Variants in SCN3A observed in about 807,000 individuals in gnomAD.
SCN3A encodes sodium channel protein type 3 subunit alpha.
SCN3A carries 60 observed loss-of-function variants against 187.6 expected under a neutral mutation model. The observed-to-expected ratio is 0.32, with a 90% confidence interval of 0.26 to 0.40. The LOEUF is 0.40. Ranked by LOEUF, SCN3A falls within the 10% of genes least tolerant of loss-of-function variation. The pLI is 1.00. For synonymous variants in SCN3A, 788 were observed against 829.2 expected, an observed-to-expected ratio of 0.95 and a Z score of 0.85; for missense variants, 1,601 against 2,428.2, an observed-to-expected ratio of 0.66 and a Z score of 7.16.
Position 165,092,028 on chromosome 2 carries a change from T to G in SCN3A, c.4807+226A>C. The G allele has an allele frequency of 1.7e-6, 1 of 586,474 alleles. No individual in the cohort carries two copies. Among genetic ancestry groups the G allele is most frequent in the Non-Finnish European group, 3.0e-6 (1 of 330,618 alleles). The allele number at this position is 586,474 out of a possible 1,614,324, so 36.3% of individuals were successfully genotyped here. On this transcript the variant is annotated intron_variant, in intron 27 of 27. Coordinates refer to ENST00000283254, the MANE Select transcript of SCN3A (RefSeq NM_006922.4). This position sits in a 1 kb window ranked among gnomAD's most constrained non-coding sequence, Gnocchi z 4.2. ...AGTACCTGATAATGTTTATTTCCTG[T>G]CTTCTTCACCTCTTTCCCAAATCTG...
intron 3 of SCN3A, among the ~76,000 whole-genome samples, chr2:165,172,008 G>A (rs1690134512): frequency 6.6e-6 from 1 of 151,962 alleles, no homozygotes; most frequent in African/African-American, 2.4e-5. Flanking sequence ...TTAACTAGGG[G>A]CTATATGCCA....
intron 1 of SCN3A, among the ~76,000 whole-genome samples, chr2:165,188,056 T>C (rs1473066325): frequency 6.6e-6 from 1 of 152,146 alleles, no homozygotes; most frequent in Non-Finnish European, 1.5e-5. Context: ...TTCAATACAT[T>C]TTTAAAATAT....
At chr2:165,101,296 A>G (rs1320000181) in intron 21 of SCN3A, among the ~76,000 whole-genome samples, 1 of 152,256 alleles carries the variant, frequency 6.6e-6, no homozygotes, top group African/African-American at 2.4e-5. Context: ...TATATGAAAG[A>G]TCAAAGAAGA....
intron 10 of SCN3A, among the ~76,000 whole-genome samples, chr2:165,155,240 A>G (rs1377013994): frequency 6.6e-6 from 1 of 152,144 alleles, no homozygotes; most frequent in African/African-American, 2.4e-5. Flanking sequence ...GTACATATAT[A>G]GGTACTGACT....
intron 5 of SCN3A, among the ~76,000 whole-genome samples, chr2:165,167,656 A>G (rs1689854602): frequency 6.6e-6 from 1 of 152,156 alleles, no homozygotes; most frequent in Non-Finnish European, 1.5e-5. Flanking sequence ...ATAACCTCAT[A>G]TGTGACTGAA....
chr2:165,184,079 G>A (rs1691068291), intron 2 of SCN3A, among the ~76,000 whole-genome samples: 1 of 152,082 alleles, frequency 6.6e-6, no homozygotes, highest in African/African-American at 2.4e-5. Flanking sequence ...AATTTTCACT[G>A]AGAGCTAATG....
At chr2:165,146,653 G>T in intron 12 of SCN3A, 86 bp downstream of exon 12, 1 of 1,433,878 alleles carries the variant, frequency 7.0e-7, no homozygotes, top group Non-Finnish European at 9.8e-7. Context: ...AAGTCAGATA[G>T]TACAAAAGTG....
At chr2:165,169,725 C>G (rs1361455899) in intron 4 of SCN3A, among the ~76,000 whole-genome samples, 1 of 151,810 alleles carries the variant, frequency 6.6e-6, no homozygotes, top group Non-Finnish European at 1.5e-5. Flanking sequence ...TCTGCCTATA[C>G]AAAATTCCCA....
intron 1 of SCN3A, among the ~76,000 whole-genome samples, chr2:165,201,704 GT>G (rs1360278548): frequency 6.6e-6 from 1 of 151,926 alleles, no homozygotes; most frequent in African/African-American, 2.4e-5. Flanking sequence ...TCTCCATGTT[GT>G]TTCCTGCTTG....
intron 21 of SCN3A, among the ~76,000 whole-genome samples, chr2:165,102,347 C>CA (rs1685647066): frequency 6.6e-6 from 1 of 152,040 alleles, no homozygotes; most frequent in Non-Finnish European, 1.5e-5. Flanking sequence ...CTTATCTCAA[C>CA]AAAAAAATTT....
chr2:165,110,220 A>G (rs1184025668), intron 21 of SCN3A, among the ~76,000 whole-genome samples: 2 of 152,194 alleles, frequency 1.3e-5, no homozygotes, highest in African/African-American at 4.8e-5. Flanking sequence ...AATAGAGTGT[A>G]AGCTTAACAA....
At chr2:165,120,132 C>T (rs938634573) in intron 18 of SCN3A, among the ~76,000 whole-genome samples, 7 of 151,978 alleles carry the variant, frequency 4.6e-5, no homozygotes, top group African/African-American at 1.2e-4. Flanking sequence ...CTAATTCAGC[C>T]GCAGAAAACA....
In SCN3A at chr2:165,090,883, A is replaced by G; in HGVS notation, c.5270T>C (p.Ile1757Thr). 6.2e-7 allele frequency: 1 copy of G among 1,614,128 alleles called. No homozygotes were observed. The highest frequency in any genetic ancestry group is 8.5e-7 in the Non-Finnish European group (1 of 1,180,012). ...CATGTTCACCACAACCAGGAAGGATATGATGATGTAACTGACAAAAAAGAA... is the reference window on the plus strand; with the variant it reads ...CATGTTCACCACAACCAGGAAGGATGTGATGATGTAACTGACAAAAAAGAA... The part of the protein sequence containing the change: ...GIFFFVSYII[I>T]SFLVVVNMYI... Residue 1757 changes from isoleucine to threonine, a missense_variant, in exon 28 of 28, where the codon ATA (isoleucine) becomes ACA (threonine). Transcript: ENST00000283254. This position sits in a 1 kb window ranked among gnomAD's most constrained non-coding sequence, Gnocchi z 4.0.
At chr2:165,121,522 A>G (rs1462990704) in intron 18 of SCN3A, among the ~76,000 whole-genome samples, 1 of 152,256 alleles carries the variant, frequency 6.6e-6, no homozygotes, top group Non-Finnish European at 1.5e-5. Context: ...TAAAAATTGC[A>G]TAAATCACCA....
Position 165,090,212 on chromosome 2 carries a change from A to G in SCN3A, c.5941T>C (p.Phe1981Leu), listed in dbSNP as rs745959524. 2 of 1,606,818 alleles carry G rather than the reference A, an allele frequency of 1.2e-6. No individual in the cohort carries two copies. Among genetic ancestry groups the G allele is most frequent in the South Asian group, 1.1e-5 (1 of 90,348 alleles). ...TCTTTTTCTGGTTTGTCTTTCTCAA[A>G]CTTTTCCTTGTCTGGTTTTGTTACA... is the stretch of plus-strand genomic sequence containing the variant. ...DSVTKPDKEK[F>L]EKDKPEKESK... The change falls in exon 28 of 28, where the codon TTT becomes CTT. Residue 1981 changes from phenylalanine (F) to leucine (L), a missense_variant. By Grantham distance (22) the Phe-to-Leu change is conservative. This residue lies in a region of SCN3A where 87 missense variants were observed against 89.2 expected (regional missense o/e 0.98). Coordinates refer to ENST00000283254, the MANE Select transcript of SCN3A (RefSeq NM_006922.4). This position sits in a 1 kb window ranked among gnomAD's most constrained non-coding sequence, Gnocchi z 4.0.
chr2:165,182,650 A>C (rs529212006), intron 2 of SCN3A, among the ~76,000 whole-genome samples: 1 of 144,964 alleles, frequency 6.9e-6, no homozygotes, highest in Non-Finnish European at 1.5e-5. Flanking sequence ...AGCTTAAGCC[A>C]CAAATCGACA....
chr2:165,113,097 GCTT>G (rs759014556), intron 20 of SCN3A, 39 bp from the exon 21 acceptor site: 134 of 1,520,128 alleles, frequency 8.8e-5, no homozygotes, highest in Non-Finnish European at 1.1e-4. Context: ...TAAATGGCTT[GCTT>G]CTTCTAAATA....
chr2:165,182,842 G>C (rs1690970492), intron 2 of SCN3A, among the ~76,000 whole-genome samples: 1 of 152,038 alleles, frequency 6.6e-6, no homozygotes, highest in South Asian at 2.1e-4. Flanking sequence ...TCTGGGCATG[G>C]TGGCTCATGA....
chr2:165,134,991 A>G (rs2105790645), intron 15 of SCN3A, among the ~76,000 whole-genome samples: 1 of 152,210 alleles, frequency 6.6e-6, no homozygotes, highest in East Asian at 1.9e-4. Context: ...ATTAAAAATA[A>G]TATTTTTATT....
Sources: allele counts gnomAD v4.1 joint callset (sites outside exome capture counted in the v4.1 genomes callset), GRCh38; gene constraint gnomAD v4.1.1; regional missense constraint gnomAD v4.1.1; non-coding constraint Gnocchi (gnomAD v3.1); transcripts MANE v1.5; gene names NCBI Gene and HGNC (gene_info 2026-07-23, HGNC 2026-07-21).